Variants in SPOCK1 observed in about 807,000 individuals in gnomAD.
SPOCK1 encodes SPARC (osteonectin), cwcv and kazal like domains proteoglycan 1, also known as testican-1.
Under a neutral mutation model 55.3 loss-of-function variants are expected in SPOCK1, and 23 were observed. That is an observed-to-expected ratio of 0.42 (90% confidence interval 0.30 to 0.59). The LOEUF is 0.59. Ranked by LOEUF, SPOCK1 falls within the 20% of genes least tolerant of loss-of-function variation. The probability of loss-of-function intolerance (pLI) is 0.22; values close to 1 mark genes in which losing one functional copy is unlikely to be tolerated. For missense variants in SPOCK1, 499 were observed against 552.5 expected (o/e 0.90, Z 0.97); for synonymous variants, 226 against 221.0 (o/e 1.02, Z -0.20).
rs147937717 is a variant in SPOCK1 at position 137,159,907 on chromosome 5, T to C, written c.233-19213A>G. Among the ~76,000 whole-genome samples the C allele has an allele frequency of 5.2e-3, 791 of 152,302 alleles. 7 individuals carry two copies. Among genetic ancestry groups the C allele is most frequent in the African/African-American group, 0.019 (777 of 41,564 alleles). On this transcript the variant is annotated intron_variant, in intron 3 of 10. Transcript: ENST00000394945. ...TTTAATTTTTTTGCCAATCCATGTC[T>C]ATATTTTATTGGAAATCTGGCATCT...
chr5:137,255,385 C>G (rs2961626), intron 3 of SPOCK1, among the ~76,000 whole-genome samples: 10,257 of 152,254 alleles, frequency 0.067, 1,055 homozygotes, highest in African/African-American at 0.23. Context: ...TATACAGAAA[C>G]TCACTGCGCA....
intron 3 of SPOCK1, among the ~76,000 whole-genome samples, chr5:137,149,296 C>T (rs972561070): frequency 3.9e-5 from 6 of 152,174 alleles, no homozygotes; most frequent in Non-Finnish European, 7.3e-5. Flanking sequence ...ATGGCCTGGC[C>T]TCTAAGTAGA....
chr5:136,987,336 A>G (rs894452999), intron 8 of SPOCK1, among the ~76,000 whole-genome samples: 7 of 152,204 alleles, frequency 4.6e-5, no homozygotes, highest in Non-Finnish European at 8.8e-5. Flanking sequence ...CTTAAAAAAC[A>G]AACACACAAG....
At chr5:136,995,107 C>T (rs535922960) in intron 6 of SPOCK1, among the ~76,000 whole-genome samples, 7 of 152,272 alleles carry the variant, frequency 4.6e-5, no homozygotes, top group South Asian at 2.1e-4. Context: ...ACAGCACAGA[C>T]GCAGAATCTT....
intron 2 of SPOCK1, among the ~76,000 whole-genome samples, chr5:137,452,482 G>GA (rs1310565307): frequency 2.0e-5 from 3 of 151,932 alleles, no homozygotes; most frequent in South Asian, 2.1e-4. Flanking sequence ...CCTGGTAAAA[G>GA]AAAAAAAGTG....
At chr5:136,988,050 A>G (rs1490123731) in intron 8 of SPOCK1, among the ~76,000 whole-genome samples, 1 of 152,198 alleles carries the variant, frequency 6.6e-6, no homozygotes, top group Non-Finnish European at 1.5e-5. Context: ...TCTCAATGAG[A>G]ATGATTTTCA....
chr5:137,275,689 T>G (rs1757052488), intron 2 of SPOCK1, among the ~76,000 whole-genome samples: 1 of 152,174 alleles, frequency 6.6e-6, no homozygotes, highest in Admixed American at 6.5e-5. Flanking sequence ...TCCCCCAGCT[T>G]CTGGAGCTTT....
chr5:137,498,266 C>CCACACACACA (rs544933594), intron 2 of SPOCK1, 107 bp downstream of exon 2: 480 of 796,392 alleles, frequency 6.0e-4, no homozygotes, highest in African/African-American at 3.7e-3. Context: ...CCCCTCCCAA[C>CCACACACACA]CACACACACA....
chr5:137,041,421 T>C (rs1751996097), intron 6 of SPOCK1, among the ~76,000 whole-genome samples: 1 of 152,158 alleles, frequency 6.6e-6, no homozygotes. Flanking sequence ...TTGAGTTTGG[T>C]GCTGAACCAA....
chr5:137,025,884 T>C (rs1751665104), intron 6 of SPOCK1, among the ~76,000 whole-genome samples: 1 of 152,218 alleles, frequency 6.6e-6, no homozygotes, highest in South Asian at 2.1e-4. Context: ...TGAGCCTCCT[T>C]CTAGCTGCAG....
intron 2 of SPOCK1, among the ~76,000 whole-genome samples, chr5:137,290,363 C>T (rs1360926352): frequency 1.3e-5 from 2 of 151,840 alleles, no homozygotes; most frequent in African/African-American, 4.9e-5. Flanking sequence ...GTGAGTCCAT[C>T]TATCCATCTA....
chr5:137,173,692 G>A (rs915129306), intron 3 of SPOCK1, among the ~76,000 whole-genome samples: 2 of 152,126 alleles, frequency 1.3e-5, no homozygotes, highest in Non-Finnish European at 1.5e-5. Flanking sequence ...TGGCATATGA[G>A]GTCAGAACTT....
chr5:137,085,968 G>A (rs1752955008), intron 5 of SPOCK1, among the ~76,000 whole-genome samples: 1 of 152,154 alleles, frequency 6.6e-6, no homozygotes, highest in Non-Finnish European at 1.5e-5. Flanking sequence ...CATCATAGTT[G>A]AGTCCTCGTT....
intron 5 of SPOCK1, among the ~76,000 whole-genome samples, chr5:137,099,620 G>GTA (rs534765633): frequency 1.2e-3 from 180 of 151,408 alleles, no homozygotes; most frequent in African/African-American, 4.1e-3. Flanking sequence ...ACACACATAT[G>GTA]TATATATATG....
At chr5:137,239,728 T>G (rs1033507457) in intron 3 of SPOCK1, among the ~76,000 whole-genome samples, 1 of 152,078 alleles carries the variant, frequency 6.6e-6, no homozygotes, top group Non-Finnish European at 1.5e-5. Context: ...GAGAAAAAGT[T>G]TTTCCCTTTA....
At chr5:137,269,826 G>C (rs1395349033) in intron 2 of SPOCK1, among the ~76,000 whole-genome samples, 2 of 152,134 alleles carry the variant, frequency 1.3e-5, no homozygotes, top group Non-Finnish European at 2.9e-5. Context: ...CATAAGGATA[G>C]TTGTCAGTGG....
At chr5:137,311,601 C>A in intron 2 of SPOCK1, among the ~76,000 whole-genome samples, 3 of 152,210 alleles carry the variant, frequency 2.0e-5, no homozygotes, top group African/African-American at 7.2e-5. Context: ...TTCCTTCAGT[C>A]TAATCTTTAC....
chr5:137,112,602 A>G, intron 4 of SPOCK1, 41 bp from the exon 5 acceptor site: 1 of 1,595,114 alleles, frequency 6.3e-7, no homozygotes, highest in Non-Finnish European at 8.5e-7. Context: ...TTGAAGCTCC[A>G]GACCCTATGA....
At chr5:137,137,540 G>A (rs527754265) in intron 4 of SPOCK1, among the ~76,000 whole-genome samples, 19 of 152,318 alleles carry the variant, frequency 1.2e-4, no homozygotes, top group African/African-American at 4.6e-4. Context: ...CCTGGACCAG[G>A]CCACCTCCCA....
Sources: gnomAD v4.1 joint callset for allele counts (sites outside exome capture counted in the v4.1 genomes callset) on GRCh38, gnomAD v4.1.1 for gene constraint, MANE v1.5 for transcripts, NCBI Gene and HGNC (gene_info 2026-07-23, HGNC 2026-07-21) for gene names.